Variants in ERAP1 observed in about 807,000 individuals in gnomAD.
ERAP1 encodes endoplasmic reticulum aminopeptidase 1, also known as adipocyte-derived leucine aminopeptidase.
In ERAP1, 86 loss-of-function variants were observed where a neutral mutation model predicts 103.7. The ratio of observed to expected loss-of-function variants is 0.83; its 90% CI spans 0.70 to 0.99. The LOEUF (loss-of-function observed/expected upper bound fraction) is 0.99, where lower values mean the gene tolerates loss of function less well. ERAP1 is among the 50% of genes least tolerant of loss of function. The pLI is 0.00. For missense variants in ERAP1, 1,009 were observed against 1,128.4 expected (o/e 0.89, Z 1.52); for synonymous variants, 398 against 402.4 (o/e 0.99, Z 0.13).
At chr5:96,846,352 T>C in the ERAP1 span, among the ~76,000 whole-genome samples, 2 of 152,242 alleles carry the variant, frequency 1.3e-5, no homozygotes, top group Admixed American at 6.5e-5. Context: ...CTGAAAGTTT[T>C]CTGCACATTA....
In ERAP1 at chr5:96,793,425, C is replaced by T; in HGVS notation, c.1163G>A (p.Ser388Asn). ...AACTTTCAGTTCAGGATGGGTCACA[C>T]TGACAGACACAAACTCCATAAATTT... is the stretch of plus-strand genomic sequence containing the variant. ...FAKFMEFVSV[S>N]VTHPELKVGD... The change falls in exon 7 of 19, where the codon AGT becomes AAT. Residue 388 changes from serine (S) to asparagine (N), a missense_variant. Physicochemically the swap from Ser to Asn is conservative, Grantham distance 46. Coordinates refer to ENST00000443439, the MANE Select transcript of ERAP1 (RefSeq NM_001040458.3). The T allele has an allele frequency of 1.2e-6, 2 of 1,613,706 alleles. No homozygotes were observed. Among genetic ancestry groups the T allele is most frequent in the Non-Finnish European group, 1.7e-6 (2 of 1,179,706 alleles).
At chr5:96,785,738 A>G (rs774625123) in intron 13 of ERAP1, 50 bp downstream of exon 13, 3 of 1,588,854 alleles carry the variant, frequency 1.9e-6, no homozygotes, top group Non-Finnish European at 2.6e-6. Flanking sequence ...AATTTGAACA[A>G]TAACAGCTGC....
At chr5:96,767,798 T>C (rs1229164893) in intron 19 of ERAP1, 1 of 691,144 alleles carries the variant, frequency 1.4e-6, no homozygotes, top group African/African-American at 1.8e-5. Flanking sequence ...TGTCAGTCAG[T>C]TTTTTTCTTA....
At chr5:96,839,124 C>T in the ERAP1 span, among the ~76,000 whole-genome samples, 3 of 152,230 alleles carry the variant, frequency 2.0e-5, no homozygotes, top group African/African-American at 7.2e-5. Flanking sequence ...AAGACACTCA[C>T]AGGGCAAGGT....
At chr5:96,842,480 T>C in the ERAP1 span, among the ~76,000 whole-genome samples, 1 of 152,228 alleles carries the variant, frequency 6.6e-6, no homozygotes, top group African/African-American at 2.4e-5. Context: ...TCATGGCCAT[T>C]CTTGAAAAAG....
the ERAP1 span, chr5:96,909,862 T>A: frequency 8.0e-7 from 1 of 1,245,464 alleles, no homozygotes; most frequent in African/African-American, 1.5e-5. Flanking sequence ...TTAGTGAGGA[T>A]AGAAAAAAAA....
At chr5:96,891,563 CAT>C in the ERAP1 span, among the ~76,000 whole-genome samples, 62 of 139,988 alleles carry the variant, frequency 4.4e-4, no homozygotes, top group Non-Finnish European at 7.3e-4. Context: ...CACACACACA[CAT>C]ATATGGTACA....
the ERAP1 span, among the ~76,000 whole-genome samples, chr5:96,854,048 T>C: frequency 5.9e-5 from 9 of 152,174 alleles, no homozygotes; most frequent in African/African-American, 2.2e-4. Context: ...ATTTCTGACT[T>C]TGTTCTGAGT....
chr5:96,931,174 C>T, the ERAP1 span, among the ~76,000 whole-genome samples: 4 of 150,274 alleles, frequency 2.7e-5, no homozygotes, highest in African/African-American at 9.8e-5. Flanking sequence ...TTTTTTTTTC[C>T]CAGACAGGAT....
chr5:96,803,983 T>G (rs1778282642), intron 1 of ERAP1, 40 bp from the exon 2 acceptor site: 2 of 1,587,894 alleles, frequency 1.3e-6, no homozygotes, highest in Admixed American at 3.4e-5. Flanking sequence ...TATATGTCAT[T>G]AAAATGTTAT....
chr5:96,886,030 A>G, the ERAP1 span, among the ~76,000 whole-genome samples: 3 of 152,246 alleles, frequency 2.0e-5, no homozygotes, highest in Non-Finnish European at 2.9e-5. Context: ...GCTGTCACGC[A>G]GCAAGTGAGA....
At chr5:96,768,226 G>A (rs1035761096) in intron 19 of ERAP1, among the ~76,000 whole-genome samples, 3 of 152,048 alleles carry the variant, frequency 2.0e-5, no homozygotes, top group African/African-American at 7.2e-5. Flanking sequence ...TGGGACTACA[G>A]GCGTGCACCA....
the ERAP1 span, among the ~76,000 whole-genome samples, chr5:96,831,739 C>A: frequency 1.3e-5 from 2 of 152,188 alleles, no homozygotes; most frequent in Non-Finnish European, 2.9e-5. Context: ...TTTCTTCCTG[C>A]AGAATCCAGG....
intron 3 of ERAP1, among the ~76,000 whole-genome samples, chr5:96,800,543 A>T (rs1008276840): frequency 6.6e-6 from 1 of 152,222 alleles, no homozygotes; most frequent in Non-Finnish European, 1.5e-5. Flanking sequence ...CATATGAGAA[A>T]ATGAGGGTGA....
the ERAP1 span, among the ~76,000 whole-genome samples, chr5:96,853,850 T>TAATAAA: frequency 7.0e-6 from 1 of 143,726 alleles, no homozygotes. Flanking sequence ...TTAAAAGTTC[T>TAATAAA]AAAAAAAAAA....
rs751984018 is a variant in ERAP1, at chr5:96,792,041, T to C, written c.1320+20A>G. 1.2e-6 allele frequency: 2 copies of C among 1,613,476 alleles called. No individual in the cohort carries two copies. Among genetic ancestry groups the C allele is most frequent in the Non-Finnish European group, 1.7e-6 (2 of 1,179,458 alleles). On this transcript the variant is annotated intron_variant, in intron 8 of 18. Transcript: ENST00000443439. Reference sequence around the variant, plus strand: ...AACTTTAGTATCTAAACTGTATCCTTATACTCAATCTACTTTTACCTTATC... The same window carrying C: ...AACTTTAGTATCTAAACTGTATCCTCATACTCAATCTACTTTTACCTTATC...
At chr5:96,904,847 T>C in the ERAP1 span, among the ~76,000 whole-genome samples, 5 of 152,352 alleles carry the variant, frequency 3.3e-5, no homozygotes, top group South Asian at 1.0e-3. Context: ...GATGCATTGG[T>C]GGAAAACTAA....
the ERAP1 span, chr5:96,895,291 C>T: frequency 6.2e-7 from 1 of 1,612,826 alleles, no homozygotes; most frequent in Non-Finnish European, 8.5e-7. Context: ...TGATATTTGG[C>T]TTAAGGAGGG....
At chr5:96,888,544 G>A in the ERAP1 span, among the ~76,000 whole-genome samples, 9 of 152,182 alleles carry the variant, frequency 5.9e-5, no homozygotes, top group Non-Finnish European at 1.0e-4. Flanking sequence ...AATGGTGGCC[G>A]TTTACATTTT....
Sources: gnomAD v4.1 joint callset for allele counts (sites outside exome capture counted in the v4.1 genomes callset) on GRCh38, gnomAD v4.1.1 for gene constraint, MANE v1.5 for transcripts, NCBI Gene and HGNC (gene_info 2026-07-23, HGNC 2026-07-21) for gene names.